Variants in SH3RF3 observed in about 807,000 individuals in gnomAD.
SH3RF3 encodes SH3 domain containing ring finger 3.
Under a neutral mutation model 66.3 loss-of-function variants are expected in SH3RF3, and 29 were observed. The ratio of observed to expected loss-of-function variants is 0.44; its 90% CI spans 0.33 to 0.60. The LOEUF (loss-of-function observed/expected upper bound fraction) is 0.60. SH3RF3 is among the 20% of genes least tolerant of loss of function. SH3RF3 has a pLI of 0.04. For synonymous variants in SH3RF3, 583 were observed against 532.0 expected (o/e 1.10, Z -1.32); for missense variants, 1,194 against 1,190.9 (o/e 1.00, Z -0.04).
intron 1 of SH3RF3, among the ~76,000 whole-genome samples, chr2:109,234,583 A>T (rs553194425): frequency 1.4e-4 from 21 of 152,342 alleles, no homozygotes; most frequent in Non-Finnish European, 1.3e-4. Context: ...GCCCTCGTTG[A>T]CAGCTGTTTA....
chr2:109,485,727 G>A (rs1056243801), intron 8 of SH3RF3, among the ~76,000 whole-genome samples: 2 of 152,268 alleles, frequency 1.3e-5, no homozygotes. Flanking sequence ...GACTGTGAGT[G>A]TGTAAGCACA....
chr2:109,384,168 C>T (rs1030484717), intron 3 of SH3RF3, among the ~76,000 whole-genome samples: 9 of 152,186 alleles, frequency 5.9e-5, no homozygotes, highest in African/African-American at 1.7e-4. Flanking sequence ...TGGGGTCCCA[C>T]GTTCATCCAG....
chr2:109,262,414 C>T lies in SH3RF3; in HGVS notation c.574-85260C>T, dbSNP rs563483484. ...GGTTACTGCCTTCAAACTCTGCTTT[C>T]GATGCCCTGGGAACCTCTCATGGTG... On this transcript the variant is annotated intron_variant, in intron 1 of 9. Coordinates refer to ENST00000309415, the MANE Select transcript of SH3RF3 (RefSeq NM_001099289.3). Among the ~76,000 whole-genome samples the T allele has an allele frequency of 4.6e-5, 7 of 152,248 alleles. No homozygotes were observed. The South Asian group carries it at 1.0e-3, about 23-fold the overall frequency.
At chr2:109,380,285 G>C (rs149529449) in intron 3 of SH3RF3, among the ~76,000 whole-genome samples, 1 of 152,220 alleles carries the variant, frequency 6.6e-6, no homozygotes, top group African/African-American at 2.4e-5. Context: ...ACATTCCATT[G>C]CTGCTGGGAG....
intron 1 of SH3RF3, among the ~76,000 whole-genome samples, chr2:109,282,522 A>T (rs1680919816): frequency 6.6e-6 from 1 of 152,092 alleles, no homozygotes; most frequent in South Asian, 2.1e-4. Context: ...GTGGGAGGAC[A>T]GGGGAGGGGT....
At chr2:109,470,948 G>A (rs983550226) in intron 8 of SH3RF3, among the ~76,000 whole-genome samples, 14 of 152,122 alleles carry the variant, frequency 9.2e-5, no homozygotes, top group African/African-American at 2.7e-4. Flanking sequence ...GGCTGGGTGC[G>A]GTGGCTCACG....
intron 1 of SH3RF3, among the ~76,000 whole-genome samples, chr2:109,287,989 T>C (rs1464891654): frequency 6.6e-6 from 1 of 152,134 alleles, no homozygotes; most frequent in Non-Finnish European, 1.5e-5. Flanking sequence ...AAAGGCGAAG[T>C]GAGCCCTGGC....
intron 1 of SH3RF3, among the ~76,000 whole-genome samples, chr2:109,239,242 A>C (rs975348164): frequency 6.6e-6 from 1 of 151,966 alleles, no homozygotes; most frequent in African/African-American, 2.4e-5. Flanking sequence ...GATGGCAAAC[A>C]GCTCACCTGG....
At chr2:109,396,756 G>T (rs1322929841) in intron 3 of SH3RF3, among the ~76,000 whole-genome samples, 2 of 151,996 alleles carry the variant, frequency 1.3e-5, no homozygotes, top group Non-Finnish European at 1.5e-5. Flanking sequence ...TCACATGCAA[G>T]GGCTTAGCCT....
intron 1 of SH3RF3, among the ~76,000 whole-genome samples, chr2:109,341,459 T>C (rs976564078): frequency 6.6e-6 from 1 of 152,180 alleles, no homozygotes; most frequent in African/African-American, 2.4e-5. Context: ...CCCTCAACAG[T>C]GCTATGAAAG....
At chr2:109,434,690 C>T (rs1677349870) in intron 6 of SH3RF3, among the ~76,000 whole-genome samples, 1 of 152,234 alleles carries the variant, frequency 6.6e-6, no homozygotes, top group African/African-American at 2.4e-5. Flanking sequence ...GGATGGACAG[C>T]TCTGCCCACG....
intron 3 of SH3RF3, among the ~76,000 whole-genome samples, chr2:109,387,499 A>G (rs1328243903): frequency 6.6e-6 from 1 of 152,186 alleles, no homozygotes; most frequent in East Asian, 1.9e-4. Context: ...CTGCTGCCAC[A>G]GGGCCTTTGC....
chr2:109,351,013 G>A (rs1337293273), intron 2 of SH3RF3, among the ~76,000 whole-genome samples: 1 of 152,228 alleles, frequency 6.6e-6, no homozygotes, highest in Non-Finnish European at 1.5e-5. Context: ...TGTTAAAGTG[G>A]CATTAATTAA....
intron 5 of SH3RF3, among the ~76,000 whole-genome samples, chr2:109,429,622 T>C (rs1032249329): frequency 6.6e-6 from 1 of 152,038 alleles, no homozygotes; most frequent in African/African-American, 2.4e-5. Context: ...GCAGCTCTCA[T>C]CTTGCCCAAG....
intron 4 of SH3RF3, among the ~76,000 whole-genome samples, chr2:109,418,785 A>T (rs1476792188): frequency 1.3e-5 from 2 of 152,180 alleles, no homozygotes; most frequent in Non-Finnish European, 2.9e-5. Flanking sequence ...GGAAGACAGG[A>T]CACTGTCCTA....
rs953921767 is a variant in SH3RF3 at position 109,230,174 on chromosome 2, C to G, written c.573+100061C>G. ...ACTAATATTCCGTCGTATGGATATA[C>G]TATATATTGTTTATCCATTCAAATA... On this transcript the variant is annotated intron_variant, in intron 1 of 9. Coordinates refer to ENST00000309415, the MANE Select transcript of SH3RF3 (RefSeq NM_001099289.3). Among the ~76,000 whole-genome samples, 62 of 151,808 alleles carry G rather than the reference C, an allele frequency of 4.1e-4. 1 individual carries two copies. Among genetic ancestry groups the G allele is most frequent in the African/African-American group, 1.5e-3 (60 of 41,372 alleles).
intron 1 of SH3RF3, among the ~76,000 whole-genome samples, chr2:109,273,332 G>A (rs1184791856): frequency 6.6e-6 from 1 of 152,246 alleles, no homozygotes; most frequent in Non-Finnish European, 1.5e-5. Context: ...TTGTCTGGAA[G>A]GAGTGCTTCC....
intron 8 of SH3RF3, among the ~76,000 whole-genome samples, chr2:109,450,766 G>T (rs1349332041): frequency 6.6e-6 from 1 of 152,198 alleles, no homozygotes; most frequent in Non-Finnish European, 1.5e-5. Context: ...CTAGGGCGTT[G>T]GGCTGGGTGC....
At chr2:109,209,247 T>C (rs1291352614) in intron 1 of SH3RF3, among the ~76,000 whole-genome samples, 1 of 152,182 alleles carries the variant, frequency 6.6e-6, no homozygotes, top group African/African-American at 2.4e-5. Flanking sequence ...GTAGGAAAAC[T>C]GAGAGGTCAT....
Sources: gnomAD v4.1 joint callset for allele counts (sites outside exome capture counted in the v4.1 genomes callset) on GRCh38, gnomAD v4.1.1 for gene constraint, MANE v1.5 for transcripts, NCBI Gene and HGNC (gene_info 2026-07-23, HGNC 2026-07-21) for gene names.